SLC6A20: variants seen among roughly 807,000 people sequenced by gnomAD.
SLC6A20 encodes the protein solute carrier family 6 member 20.
In SLC6A20, 73 loss-of-function variants were observed where a neutral mutation model predicts 64.3. That is an observed-to-expected ratio of 1.14 (90% CI 0.94 to 1.38). The LOEUF is 1.38. Ranked by LOEUF, SLC6A20 falls within the 40% of genes most tolerant of loss-of-function variation. SLC6A20 has a pLI of 0.00. For synonymous variants in SLC6A20, 347 were observed against 329.6 expected (o/e 1.05, Z -0.57); for missense variants, 725 against 772.8 (o/e 0.94, Z 0.73).
intron 3 of SLC6A20, among the ~76,000 whole-genome samples, chr3:45,779,327 C>G (rs1053652638): frequency 6.6e-6 from 1 of 152,224 alleles, no homozygotes; most frequent in Non-Finnish European, 1.5e-5. Flanking sequence ...GAAAATTCCT[C>G]TTGTCCTGAA....
intron 3 of SLC6A20, among the ~76,000 whole-genome samples, chr3:45,777,997 G>A (rs1406327062): frequency 6.6e-6 from 1 of 152,196 alleles, no homozygotes; most frequent in African/African-American, 2.4e-5. Flanking sequence ...TCTCCCCAGT[G>A]TGCAGCCAGG....
chr3:45,760,143 C>T, intron 9 of SLC6A20, 121 bp from the exon 10 acceptor site: 1 of 1,152,280 alleles, frequency 8.7e-7, no homozygotes, highest in Admixed American at 2.5e-5. Context: ...GATGTCTGAG[C>T]TTGGCCACTG....
chr3:45,777,426 A>G (rs1699989034), intron 3 of SLC6A20, among the ~76,000 whole-genome samples: 1 of 152,058 alleles, frequency 6.6e-6, no homozygotes, highest in Non-Finnish European at 1.5e-5. Flanking sequence ...TCCCCTTCCC[A>G]TGTGCACATT....
chr3:45,789,800 C>T (rs1700220027), intron 1 of SLC6A20, among the ~76,000 whole-genome samples: 1 of 152,122 alleles, frequency 6.6e-6, no homozygotes, highest in South Asian at 2.1e-4. Context: ...CTATATTGCT[C>T]AGGCTGATCT....
intron 8 of SLC6A20, 37 bp from the exon 9 acceptor site, chr3:45,763,109 A>AC (rs778224268): frequency 4.0e-5 from 65 of 1,608,502 alleles, no homozygotes; most frequent in Middle Eastern, 1.9e-4. Flanking sequence ...CCTGCCCGAG[A>AC]CCCCCCCACT....
intron 1 of SLC6A20, among the ~76,000 whole-genome samples, chr3:45,784,295 T>C (rs1161128315): frequency 6.6e-6 from 1 of 152,234 alleles, no homozygotes; most frequent in African/African-American, 2.4e-5. Flanking sequence ...CAATTGAACA[T>C]TCATATGCAG....
chr3:45,773,392 G>A (rs760525985), intron 4 of SLC6A20, among the ~76,000 whole-genome samples: 6 of 152,156 alleles, frequency 3.9e-5, no homozygotes, highest in Non-Finnish European at 8.8e-5. Context: ...GACATGCATC[G>A]TAAGTTCAAT....
chr3:45,796,023 G>C (rs375157021), intron 1 of SLC6A20, among the ~76,000 whole-genome samples: 271 of 152,332 alleles, frequency 1.8e-3, no homozygotes, highest in African/African-American at 5.8e-3. Flanking sequence ...CGCTCTCAGA[G>C]CCGCAGCCTG....
At chr3:45,781,971 CTT>C (rs1164486420) in intron 2 of SLC6A20, 110 bp downstream of exon 2, 4 of 1,389,028 alleles carry the variant, frequency 2.9e-6, no homozygotes, top group Non-Finnish European at 3.8e-6. Flanking sequence ...AGAGCTCTCT[CTT>C]GGGCCTTGTG....
Position 45,765,676 on chromosome 3 carries a change from G to A in SLC6A20, c.1164C>T (p.Ser388=). Reference sequence around the variant, plus strand: ...AGAAGTAGAGCACCGACCACAGCTGGGACACCTCCATGTTTTTAATGGCCT... The same window carrying A: ...AGAAGTAGAGCACCGACCACAGCTGAGACACCTCCATGTTTTTAATGGCCT... ...YTEAIKNMEV[S]QLWSVLYFFM... The change falls in exon 8 of 11, where the codon TCC becomes TCT. Residue 388 remains serine, a synonymous_variant. Transcript: ENST00000358525. The surrounding 1 kb of genome is among the most constrained non-coding windows in gnomAD (Gnocchi z 4.2). 1.2e-6 allele frequency: 2 copies of A among 1,614,170 alleles called. No individual in the cohort carries two copies. The highest frequency in any genetic ancestry group is 1.7e-6 in the Non-Finnish European group (2 of 1,180,036).
intron 3 of SLC6A20, among the ~76,000 whole-genome samples, chr3:45,777,089 C>T (rs778058771): frequency 6.6e-5 from 10 of 152,216 alleles, no homozygotes; most frequent in Non-Finnish European, 1.2e-4. Context: ...CAGTTTTGCA[C>T]ATATCTGGGT....
At chr3:45,773,713 AG>A (rs1662830840) in intron 4 of SLC6A20, among the ~76,000 whole-genome samples, 1 of 151,876 alleles carries the variant, frequency 6.6e-6, no homozygotes, top group Middle Eastern at 3.2e-3. Flanking sequence ...CTTCCTATTG[AG>A]GTGTGGCATC....
chr3:45,760,761 C>G (rs756345227), intron 9 of SLC6A20, among the ~76,000 whole-genome samples: 31 of 152,244 alleles, frequency 2.0e-4, no homozygotes, highest in Non-Finnish European at 3.5e-4. Flanking sequence ...AATACACGTA[C>G]ACAGTATAAA....
At chr3:45,760,577 T>C (rs1241872043) in intron 9 of SLC6A20, among the ~76,000 whole-genome samples, 1 of 152,260 alleles carries the variant, frequency 6.6e-6, no homozygotes, top group South Asian at 2.1e-4. Context: ...CTGGAGCTGG[T>C]CTAGAGTGGC....
At chr3:45,762,810 GAA>G in intron 9 of SLC6A20, 101 bp downstream of exon 9, 5 of 1,452,610 alleles carry the variant, frequency 3.4e-6, no homozygotes, top group Non-Finnish European at 4.7e-6. Flanking sequence ...GAAGCTTAAA[GAA>G]GAGGTGAAGA....
At chr3:45,780,747 C>T (rs1233036422) in intron 2 of SLC6A20, among the ~76,000 whole-genome samples, 4 of 152,160 alleles carry the variant, frequency 2.6e-5, no homozygotes, top group African/African-American at 7.2e-5. Flanking sequence ...TGAGAACCAG[C>T]GTCCCCTCCT....
At position 45,758,797 on chromosome 3, in the gene SLC6A20, C is replaced by T. The variant is rs1699594510; in HGVS notation, c.*181G>A. ...GCAGGTGACAGGGAGGAACAGCCAC[C>T]ACGGGAGGGTGTGCGTTCTCCCAAG... On this transcript the variant is annotated 3_prime_UTR_variant, in exon 11 of 11. Coordinates refer to ENST00000358525, the MANE Select transcript of SLC6A20 (RefSeq NM_020208.4). The T allele has an allele frequency of 5.2e-6, 7 of 1,350,674 alleles. No homozygotes were observed. The highest frequency in any genetic ancestry group is 9.5e-7 in the Non-Finnish European group (1 of 1,050,734). The allele number at this position is 1,350,674 out of a possible 1,614,324, so 83.7% of individuals were successfully genotyped here. A position where few individuals can be genotyped will look rare whatever the true frequency, so the allele number is the denominator to read the frequency against.
At position 45,796,480 on chromosome 3, in the gene SLC6A20, C is replaced by A; in HGVS notation, c.-61G>T. ...GGTCCGGCACGGCAGTCTCAGTGCG[C>A]GGTCGCCAGGCGCGCCGTCCCACCC... On this transcript the variant is annotated 5_prime_UTR_variant, in exon 1 of 11. Coordinates refer to ENST00000358525, the MANE Select transcript of SLC6A20 (RefSeq NM_020208.4). 6.5e-7 allele frequency: 1 copy of A among 1,530,768 alleles called. No homozygotes were observed. Among genetic ancestry groups the A allele is most frequent in the South Asian group, 1.2e-5 (1 of 81,446 alleles). 94.8% of individuals were successfully genotyped at this position (1,530,768 alleles called of 1,614,324 possible).
At chr3:45,791,390 T>A (rs1700248233) in intron 1 of SLC6A20, among the ~76,000 whole-genome samples, 1 of 152,164 alleles carries the variant, frequency 6.6e-6, no homozygotes, top group Non-Finnish European at 1.5e-5. Context: ...GACAGAAGCA[T>A]CAGTATTTTT....
Sources: gnomAD v4.1 joint callset for allele counts (sites outside exome capture counted in the v4.1 genomes callset) on GRCh38, gnomAD v4.1.1 for gene constraint, Gnocchi (gnomAD v3.1) non-coding constraint, MANE v1.5 for transcripts, NCBI Gene and HGNC (gene_info 2026-07-23, HGNC 2026-07-21) for gene names.